MEMO1: variants seen among roughly 807,000 people sequenced by gnomAD.
The protein encoded by MEMO1 is protein MEMO1.
MEMO1 carries 6 observed loss-of-function variants against 45.2 expected under a neutral mutation model. The observed-to-expected ratio is 0.13, with a 90% CI of 0.07 to 0.26. The LOEUF is 0.26. Among genes scored for constraint, MEMO1 ranks in the 10% least tolerant of loss-of-function variants. The pLI, the probability that MEMO1 is intolerant of heterozygous loss-of-function variation, is 1.00. For synonymous variants in MEMO1, 78 were observed against 124.3 expected (o/e 0.63, Z 2.48); for missense variants, 184 against 370.5 (o/e 0.50, Z 4.13).
intron 2 of MEMO1, among the ~76,000 whole-genome samples, chr2:31,966,154 A>C (rs749572326): frequency 6.6e-6 from 1 of 152,200 alleles, no homozygotes; most frequent in Non-Finnish European, 1.5e-5. Context: ...AAGTGAGAAA[A>C]CTAGCAAAAA....
At chr2:31,909,310 A>T (rs1164613187) in intron 6 of MEMO1, among the ~76,000 whole-genome samples, 2 of 152,220 alleles carry the variant, frequency 1.3e-5, no homozygotes, top group African/African-American at 4.8e-5. Flanking sequence ...TAAAGGAAAA[A>T]GTCAAATTAT....
chr2:31,970,368 T>C lies in MEMO1; in HGVS notation c.62-26985A>G, dbSNP rs556602606. ...GTTTGCTACAGTAATCTTATTATGG[T>C]ATTAGAAAATGTAGCTTGTTTAAAG... On this transcript the variant is annotated intron_variant, in intron 2 of 9. Transcript: ENST00000404530. 2.0e-5 allele frequency among the ~76,000 whole-genome samples: 3 copies of C among 152,328 alleles called. No individual in the cohort carries two copies. In the East Asian group the frequency reaches 5.8e-4, roughly 29 times the overall value.
intron 6 of MEMO1, among the ~76,000 whole-genome samples, chr2:31,914,189 A>T (rs1296808154): frequency 1.3e-5 from 2 of 152,190 alleles, no homozygotes; most frequent in Non-Finnish European, 2.9e-5. Context: ...AACTGCCTCA[A>T]TTGGCAGCAG....
At chr2:31,913,234 G>A (rs1680872122) in intron 6 of MEMO1, among the ~76,000 whole-genome samples, 1 of 132,874 alleles carries the variant, frequency 7.5e-6, no homozygotes, top group Non-Finnish European at 1.5e-5. Flanking sequence ...TGGTGACAGA[G>A]CGAGACTCCG....
intron 2 of MEMO1, among the ~76,000 whole-genome samples, chr2:31,968,192 C>T (rs564797708): frequency 4.6e-5 from 7 of 152,224 alleles, no homozygotes; most frequent in East Asian, 1.9e-4. Context: ...TTTCTGGGAG[C>T]GTTCTCAAAC....
intron 2 of MEMO1, among the ~76,000 whole-genome samples, chr2:31,956,233 A>T (rs1314712052): frequency 6.6e-6 from 1 of 152,202 alleles, no homozygotes; most frequent in Non-Finnish European, 1.5e-5. Flanking sequence ...AAATCCTAAA[A>T]CAAAAACATA....
At chr2:31,985,183 GTTTT>G (rs1671117447) in intron 2 of MEMO1, among the ~76,000 whole-genome samples, 1 of 152,060 alleles carries the variant, frequency 6.6e-6, no homozygotes, top group African/African-American at 2.4e-5. Context: ...GTCCCCACTG[GTTTT>G]TTAAGAAAAT....
At chr2:31,992,640 T>C (rs1338651328) in intron 2 of MEMO1, among the ~76,000 whole-genome samples, 1 of 152,084 alleles carries the variant, frequency 6.6e-6, no homozygotes, top group Admixed American at 6.5e-5. Flanking sequence ...AAAAACTAGC[T>C]GGGTGTGGTG....
intron 2 of MEMO1, among the ~76,000 whole-genome samples, chr2:31,979,637 T>G (rs572228096): frequency 3.9e-5 from 6 of 152,190 alleles, no homozygotes; most frequent in African/African-American, 7.2e-5. Context: ...GCAAATGTTA[T>G]GTAATTTTAA....
At chr2:31,969,626 T>TGG (rs1669134776) in intron 2 of MEMO1, among the ~76,000 whole-genome samples, 1 of 148,918 alleles carries the variant, frequency 6.7e-6, no homozygotes, top group East Asian at 1.9e-4. Flanking sequence ...TGTGTGTGTG[T>TGG]GTGTGTGTTT....
chr2:32,000,665 C>A (rs916104756), intron 2 of MEMO1, among the ~76,000 whole-genome samples: 1 of 152,108 alleles, frequency 6.6e-6, no homozygotes, highest in Non-Finnish European at 1.5e-5. Context: ...CGCACCTGGC[C>A]GAAGTCTTCC....
chr2:32,002,366 A>G (rs1181014941), intron 2 of MEMO1, among the ~76,000 whole-genome samples: 1 of 149,116 alleles, frequency 6.7e-6, no homozygotes, highest in Non-Finnish European at 1.5e-5. Flanking sequence ...TGTATGAGGA[A>G]ATCCTTTATA....
At chr2:31,958,389 G>C (rs1667638927) in intron 2 of MEMO1, among the ~76,000 whole-genome samples, 2 of 151,180 alleles carry the variant, frequency 1.3e-5, no homozygotes, top group Admixed American at 6.6e-5. Context: ...GATTGAAGTG[G>C]TACCTCTCCA....
intron 3 of MEMO1, among the ~76,000 whole-genome samples, chr2:31,938,787 T>TA (rs1491439641): frequency 1.1e-4 from 5 of 45,286 alleles, no homozygotes; most frequent in Non-Finnish European, 2.2e-4. Context: ...TAGAACAATA[T>TA]TTTTTTTTTT....
intron 2 of MEMO1, chr2:31,963,295 T>C (rs1668239052): frequency 4.0e-6 from 6 of 1,506,610 alleles, no homozygotes; most frequent in South Asian, 2.6e-5. Context: ...GATCTACAGA[T>C]AGGGATACAG....
In MEMO1 at chr2:32,007,333, T is replaced by G. The variant is rs1558574710; in HGVS notation, c.61+2854A>C. Among the ~76,000 whole-genome samples the G allele has an allele frequency of 2.6e-5, 4 of 152,320 alleles. No homozygotes were observed. The South Asian group carries it at 8.3e-4, about 32-fold the overall frequency. Reference sequence around the variant, plus strand: ...TAATTCAAATCCTACCCCAAAATGATTCTACCCTCCTCAGTAGTCCTAAAA... The same window carrying G: ...TAATTCAAATCCTACCCCAAAATGAGTCTACCCTCCTCAGTAGTCCTAAAA... On this transcript the variant is annotated intron_variant, in intron 2 of 9. Transcript: ENST00000404530.
intron 2 of MEMO1, among the ~76,000 whole-genome samples, chr2:32,000,245 T>A (rs1673116508): frequency 6.6e-6 from 1 of 151,746 alleles, no homozygotes; most frequent in Admixed American, 6.6e-5. Context: ...TTTTTTTTTT[T>A]TGAGACGGAG....
At chr2:31,966,468 C>T (rs563264125) in intron 2 of MEMO1, among the ~76,000 whole-genome samples, 9 of 152,278 alleles carry the variant, frequency 5.9e-5, no homozygotes, top group East Asian at 1.9e-4. Context: ...CGGTGGCTCA[C>T]GCCTATAATC....
chr2:31,920,755 G>T, intron 5 of MEMO1, 43 bp downstream of exon 5: 3 of 1,143,084 alleles, frequency 2.6e-6, no homozygotes, highest in South Asian at 3.6e-5. Context: ...CCTGTTAAAA[G>T]AACATTAGCT....
Sources: gnomAD v4.1 joint callset for allele counts (sites outside exome capture counted in the v4.1 genomes callset) on GRCh38, gnomAD v4.1.1 for gene constraint, MANE v1.5 for transcripts, NCBI Gene and HGNC (gene_info 2026-07-23, HGNC 2026-07-21) for gene names.